Variants in PPM1D observed in about 807,000 individuals in gnomAD.
PPM1D encodes protein phosphatase, Mg2+/Mn2+ dependent 1D, also known as protein phosphatase 1D.
PPM1D carries 52 observed loss-of-function variants against 58.3 expected under a neutral mutation model. The ratio of observed to expected loss-of-function variants is 0.89; its 90% CI spans 0.71 to 1.12. PPM1D has a LOEUF of 1.12. Among genes scored for constraint, PPM1D ranks in the 50% most tolerant of loss-of-function variants. The pLI, the probability that PPM1D is intolerant of heterozygous loss-of-function variation, is 0.00. For missense variants in PPM1D, 564 were observed against 777.2 expected, an observed-to-expected ratio of 0.73 and a Z score of 3.26; for synonymous variants, 278 against 285.1, an observed-to-expected ratio of 0.98 and a Z score of 0.25.
At chr17:60,662,848 C>A in intron 5 of PPM1D, 147 bp from the exon 6 acceptor site, 1 of 683,634 alleles carries the variant, frequency 1.5e-6, no homozygotes, top group East Asian at 2.6e-5. Context: ...ACACATAGTT[C>A]AGTAAATAGA....
rs1032723343 is a variant in PPM1D, at chr17:60,600,251, G to A, written c.-164G>A. 2.2e-6 allele frequency: 3 copies of A among 1,350,178 alleles called. No individual in the cohort carries two copies. Among genetic ancestry groups the A allele is most frequent in the South Asian group, 1.5e-5 (1 of 65,900 alleles). 83.6% of individuals were successfully genotyped at this position (1,350,178 alleles called of 1,614,324 possible). A position where few individuals can be genotyped will look rare whatever the true frequency, so the allele number is the denominator to read the frequency against. Reference sequence around the variant, plus strand: ...TCCGGCGCTCCGGCCCAGCTCTCGCGGACAAGTCCAGACATCGCGCGCCCC... The same window carrying A: ...TCCGGCGCTCCGGCCCAGCTCTCGCAGACAAGTCCAGACATCGCGCGCCCC... On this transcript the variant is annotated 5_prime_UTR_variant, in exon 1 of 6. Coordinates refer to ENST00000305921, the MANE Select transcript of PPM1D (RefSeq NM_003620.4).
At chr17:60,645,548 A>ATATATGTGTGTGTGTGTATATATATG (rs1598410243) in intron 3 of PPM1D, among the ~76,000 whole-genome samples, 1 of 127,382 alleles carries the variant, frequency 7.9e-6, no homozygotes, top group African/African-American at 4.0e-5. Flanking sequence ...ATATATATGT[A>ATATATGTGTGTGTGTGTATATATATG]TATATATGTG....
At chr17:60,604,128 TTCAC>T (rs569109588) in intron 1 of PPM1D, among the ~76,000 whole-genome samples, 78 of 152,334 alleles carry the variant, frequency 5.1e-4, no homozygotes, top group African/African-American at 1.9e-3. Context: ...AAAATAATGG[TTCAC>T]TCAGTTAAGA....
intron 2 of PPM1D, among the ~76,000 whole-genome samples, chr17:60,626,157 T>C (rs2030803305): frequency 6.6e-6 from 1 of 152,186 alleles, no homozygotes; most frequent in African/African-American, 2.4e-5. Flanking sequence ...TCTGCACATA[T>C]GTGTTTTTGT....
At chr17:60,661,219 C>CAAAAA (rs373913706) in intron 5 of PPM1D, among the ~76,000 whole-genome samples, 2 of 48,954 alleles carry the variant, frequency 4.1e-5, no homozygotes, top group African/African-American at 1.2e-4. Flanking sequence ...AACTCCATCT[C>CAAAAA]AAAAAAAAAA....
intron 3 of PPM1D, among the ~76,000 whole-genome samples, chr17:60,646,537 A>T (rs908375762): frequency 5.9e-5 from 9 of 152,256 alleles, no homozygotes; most frequent in African/African-American, 2.2e-4. Flanking sequence ...AAAGAGGCAG[A>T]AATTAATGTT....
In PPM1D at chr17:60,607,377, G is replaced by A. The variant is rs568990028; in HGVS notation, c.472+6491G>A. On this transcript the variant is annotated intron_variant, in intron 1 of 5. Transcript: ENST00000305921. ...AGCTCACTGCAACCTCCACCTCCCGGGTTCAAGCGATTCTCCTGCCTCAGC... is the reference window on the plus strand; with the variant it reads ...AGCTCACTGCAACCTCCACCTCCCGAGTTCAAGCGATTCTCCTGCCTCAGC... Among the ~76,000 whole-genome samples, 6 of 152,206 alleles carry A rather than the reference G, an allele frequency of 3.9e-5. No individual in the cohort carries two copies. The South Asian group carries it at 1.2e-3, about 32-fold the overall frequency.
At chr17:60,642,437 A>C (rs368464884) in intron 3 of PPM1D, among the ~76,000 whole-genome samples, 28 of 142,546 alleles carry the variant, frequency 2.0e-4, no homozygotes, top group African/African-American at 7.0e-4. Flanking sequence ...ACCCCCGCCC[A>C]CAGCAGATTC....
At chr17:60,640,307 G>T (rs1377581434) in intron 3 of PPM1D, among the ~76,000 whole-genome samples, 1 of 152,086 alleles carries the variant, frequency 6.6e-6, no homozygotes, top group Admixed American at 6.6e-5. Context: ...CCCTGTTTCA[G>T]AAAAAACAAA....
chr17:60,628,884 T>G (rs1416246135), intron 2 of PPM1D, among the ~76,000 whole-genome samples: 1 of 152,178 alleles, frequency 6.6e-6, no homozygotes, highest in African/African-American at 2.4e-5. Context: ...CTCGTATGGT[T>G]TCATCATCTT....
intron 1 of PPM1D, among the ~76,000 whole-genome samples, chr17:60,618,783 T>C (rs1037487200): frequency 7.9e-5 from 12 of 152,222 alleles, no homozygotes; most frequent in African/African-American, 2.4e-4. Context: ...TTTAGTTGCT[T>C]TTAAAAAAGA....
intron 2 of PPM1D, among the ~76,000 whole-genome samples, chr17:60,626,608 A>G (rs1248271134): frequency 6.6e-6 from 1 of 151,888 alleles, no homozygotes; most frequent in African/African-American, 2.4e-5. Flanking sequence ...GTTAGCCAGG[A>G]TGGTCTTGAT....
rs113484541 is a variant in PPM1D at position 60,656,644 on chromosome 17, T to G, written c.1063T>G (p.Leu355Val). The change falls in exon 5 of 6, where the codon TTG (leucine) becomes GTG (valine). Residue 355 changes from leucine to valine, a missense_variant. By Grantham distance (32) the Leu-to-Val change is conservative. This residue lies in a region of PPM1D where 18 missense variants were observed against 43.9 expected (regional missense o/e 0.41). Coordinates refer to ENST00000305921, the MANE Select transcript of PPM1D (RefSeq NM_003620.4). ...TGCCAAAATGCTTGTGAATCGAGCA[T>G]TGGGCCGCTGGAGGCAGCGTATGCT... ...SCAKMLVNRA[L>V]GRWRQRMLRA... The G allele has an allele frequency of 2.0e-5, 33 of 1,614,068 alleles. No individual in the cohort carries two copies. The highest frequency in any genetic ancestry group is 2.6e-5 in the Non-Finnish European group (31 of 1,180,042).
chr17:60,654,678 G>A (rs551075703), intron 4 of PPM1D, among the ~76,000 whole-genome samples: 3 of 151,376 alleles, frequency 2.0e-5, no homozygotes, highest in Non-Finnish European at 3.0e-5. Flanking sequence ...CCTGGCCAAC[G>A]TGGTGAAACC....
rs1489254744 is a variant in PPM1D at position 60,613,857 on chromosome 17, A to C, written c.473-9664A>C. 2.0e-5 allele frequency among the ~76,000 whole-genome samples: 3 copies of C among 151,792 alleles called. No individual in the cohort carries two copies. The East Asian group carries it at 5.8e-4, about 30-fold the overall frequency. On this transcript the variant is annotated intron_variant, in intron 1 of 5. Transcript: ENST00000305921. ...GGCCTTAGCTGACTCCCCATGAGGCAGGGCTTGGGACCTGCAGCCTGCCAT... is the reference window on the plus strand; with the variant it reads ...GGCCTTAGCTGACTCCCCATGAGGCCGGGCTTGGGACCTGCAGCCTGCCAT...
At chr17:60,635,016 C>T (rs1226097289) in intron 3 of PPM1D, among the ~76,000 whole-genome samples, 1 of 151,978 alleles carries the variant, frequency 6.6e-6, no homozygotes, top group Non-Finnish European at 1.5e-5. Flanking sequence ...AAGCCATCCT[C>T]CTATCTCGGT....
chr17:60,632,560 A>T (rs1454654916), intron 2 of PPM1D, among the ~76,000 whole-genome samples: 1 of 151,438 alleles, frequency 6.6e-6, no homozygotes, highest in Admixed American at 6.6e-5. Context: ...GAGACCCTGT[A>T]TCAGAAAACA....
chr17:60,654,141 A>AT (rs1269678777), intron 4 of PPM1D, among the ~76,000 whole-genome samples: 1 of 151,758 alleles, frequency 6.6e-6, no homozygotes, highest in African/African-American at 2.4e-5. Flanking sequence ...TTTTTTCCCC[A>AT]TTCAGTATTG....
intron 2 of PPM1D, among the ~76,000 whole-genome samples, chr17:60,631,904 C>T (rs1471792492): frequency 3.3e-5 from 5 of 152,128 alleles, no homozygotes; most frequent in Admixed American, 6.6e-5. Flanking sequence ...TCAGGCCGGG[C>T]GCGGTGGCTC....
Sources: gnomAD v4.1 joint callset for allele counts (sites outside exome capture counted in the v4.1 genomes callset) on GRCh38, gnomAD v4.1.1 for gene constraint, gnomAD v4.1.1 regional missense constraint, MANE v1.5 for transcripts, NCBI Gene and HGNC (gene_info 2026-07-23, HGNC 2026-07-21) for gene names.